Variants in SREK1 observed in about 807,000 individuals in gnomAD.
The protein encoded by SREK1 is splicing regulatory glutamic acid and lysine rich protein 1, also known as splicing regulatory glutamine/lysine-rich protein 1.
Under a neutral mutation model 66.5 loss-of-function variants are expected in SREK1, and 13 were observed. The ratio of observed to expected loss-of-function variants is 0.20; its 90% CI spans 0.13 to 0.31. The LOEUF (loss-of-function observed/expected upper bound fraction) is 0.31. SREK1 is among the 10% of genes least tolerant of loss of function. The pLI, the probability that SREK1 is intolerant of heterozygous loss-of-function variation, is 1.00. For missense variants in SREK1, 607 were observed against 769.6 expected, an observed-to-expected ratio of 0.79 and a Z score of 2.50; for synonymous variants, 265 against 263.5, an observed-to-expected ratio of 1.01 and a Z score of -0.05.
At chr5:66,156,268 TTTTG>T (rs1463152074) in intron 2 of SREK1, 2 of 1,320,460 alleles carry the variant, frequency 1.5e-6, no homozygotes, top group Non-Finnish European at 9.6e-7. Context: ...CTTTTTTTGT[TTTTG>T]TTTTTGTTTT....
intron 7 of SREK1, chr5:66,168,078 A>G (rs1745315602): frequency 1.3e-5 from 2 of 151,862 alleles, no homozygotes; most frequent in African/African-American, 2.4e-5. Context: ...GGGTCTTTGG[A>G]AAAAAATAAA....
chr5:66,158,638 A>G, intron 2 of SREK1: 1 of 382,356 alleles, frequency 2.6e-6, no homozygotes, highest in Non-Finnish European at 4.4e-6. Context: ...TTTGCATCAC[A>G]AATAGGTAGT....
Position 66,183,357 on chromosome 5 carries a change from G to C in SREK1, c.*4489G>C, listed in dbSNP as rs1746650923. 1 of 152,130 alleles carries C rather than the reference G, an allele frequency of 6.6e-6. No homozygotes were observed. The highest frequency in any genetic ancestry group is 1.9e-4 in the East Asian group (1 of 5,200). 9.4% of individuals were successfully genotyped at this position (152,130 alleles called of 1,614,324 possible). ...TAAAGAATTTCTGATTTCTACAATA[G>C]ATTTAAGTATGAAATTTGAGTATAC... On this transcript the variant is annotated 3_prime_UTR_variant, in exon 12 of 12. Transcript: ENST00000334121.
chr5:66,144,661 T>A (rs944378221), intron 1 of SREK1, 124 bp downstream of exon 1: 1 of 1,414,066 alleles, frequency 7.1e-7, no homozygotes, highest in Middle Eastern at 2.4e-4. Flanking sequence ...CGGCTTACCT[T>A]GGTGCCCATA....
In SREK1 at chr5:66,182,319, A is replaced by G. The variant is rs1423836890; in HGVS notation, c.*3451A>G. 1 of 152,148 alleles carries G rather than the reference A, an allele frequency of 6.6e-6. No individual in the cohort carries two copies. The highest frequency in any genetic ancestry group is 6.6e-5 in the Admixed American group (1 of 15,260). The allele number at this position is 152,148 out of a possible 1,614,324, so 9.4% of individuals were successfully genotyped here. On this transcript the variant is annotated 3_prime_UTR_variant, in exon 12 of 12. Transcript: ENST00000334121. The stretch of plus-strand genomic sequence containing the variant: ...TTTAAATATTTTTTATTTTCACTAC[A>G]TATATATTATTTTCTCATGTTTATT...
intron 1 of SREK1, among the ~76,000 whole-genome samples, chr5:66,152,831 T>G (rs1358189196): frequency 6.6e-6 from 1 of 152,254 alleles, no homozygotes; most frequent in African/African-American, 2.4e-5. Context: ...TCATTTGTGC[T>G]TTGTCTGGTT....
At chr5:66,145,681 A>G (rs1743128733) in intron 1 of SREK1, among the ~76,000 whole-genome samples, 1 of 151,396 alleles carries the variant, frequency 6.6e-6, no homozygotes, top group African/African-American at 2.4e-5. Flanking sequence ...TTGAACATCC[A>G]TGTTCCTTTT....
chr5:66,162,782 T>C (rs1034093455), intron 5 of SREK1, 190 bp downstream of exon 5: 1 of 520,596 alleles, frequency 1.9e-6, no homozygotes, highest in East Asian at 3.2e-5. Context: ...TTTAGAGACA[T>C]TTATTTTCTC....
At position 66,159,416 on chromosome 5, in the gene SREK1, AT is replaced by A. The variant is rs1007464077; in HGVS notation, c.411+85del. On this transcript the variant is annotated intron_variant, in intron 3 of 11. Coordinates refer to ENST00000334121, the MANE Select transcript of SREK1 (RefSeq NM_001077199.3). ...GAATAGAGAGCTTCAGATTATTTGCATTTGGATCTTCTTCTTTTTTTTTTTT... is the reference window on the plus strand; with the variant it reads ...GAATAGAGAGCTTCAGATTATTTGCATTGGATCTTCTTCTTTTTTTTTTTT... The A allele has an allele frequency of 4.6e-6, 5 of 1,091,054 alleles. No homozygotes were observed. In the African/African-American group the frequency reaches 8.3e-5, roughly 18 times the overall value. The allele number at this position is 1,091,054 out of a possible 1,614,324, so 67.6% of individuals were successfully genotyped here.
chr5:66,162,159 C>A lies in SREK1; in HGVS notation c.462C>A (p.Asp154Glu), dbSNP rs1156735791. 1.2e-6 allele frequency: 2 copies of A among 1,614,028 alleles called. No individual in the cohort carries two copies. The highest frequency in any genetic ancestry group is 2.2e-5 in the South Asian group (2 of 91,090). ...GAGCTATACCAGCAGCAGCACTAGA[C>A]CCCAACATTGCAACACTTGGAGAGA... Reference protein sequence around the residue: ...SLGAIPAAALDPNIATLGEIP... With the variant: ...SLGAIPAAALEPNIATLGEIP... Residue 154 changes from aspartate to glutamate, a missense_variant, in exon 4 of 12, where the codon GAC becomes GAA. Asp to Glu is a conservative substitution (Grantham distance 45). This residue lies in a region of SREK1 where 99 missense variants were observed against 186.6 expected (regional missense o/e 0.53). Transcript: ENST00000334121.
rs1746324558 is a variant in SREK1, at chr5:66,179,333, C to A, written c.*465C>A. ...TGAAATTGGTGCAAATATATACACA[C>A]CCTTGTAAGTGCAAAGTATGTAAGA... is the stretch of plus-strand genomic sequence containing the variant. On this transcript the variant is annotated 3_prime_UTR_variant, in exon 12 of 12. Coordinates refer to ENST00000334121, the MANE Select transcript of SREK1 (RefSeq NM_001077199.3). The A allele has an allele frequency of 6.6e-6, 1 of 152,402 alleles. No homozygotes were observed. Among genetic ancestry groups the A allele is most frequent in the African/African-American group, 2.4e-5 (1 of 41,366 alleles). 9.4% of individuals were successfully genotyped at this position (152,402 alleles called of 1,614,324 possible). A position where few individuals can be genotyped will look rare whatever the true frequency, so the allele number is the denominator to read the frequency against.
At position 66,158,982 on chromosome 5, in the gene SREK1, T is replaced by G. The variant is rs893251459; in HGVS notation, c.296-237T>G. 2.2e-6 allele frequency: 3 copies of G among 1,363,718 alleles called. No individual in the cohort carries two copies. In the Admixed American group the frequency reaches 7.3e-5, roughly 33 times the overall value. 84.5% of individuals were successfully genotyped at this position (1,363,718 alleles called of 1,614,324 possible). A position where few individuals can be genotyped will look rare whatever the true frequency, so the allele number is the denominator to read the frequency against. On this transcript the variant is annotated intron_variant, in intron 2 of 11. Coordinates refer to ENST00000334121, the MANE Select transcript of SREK1 (RefSeq NM_001077199.3). Reference sequence around the variant, plus strand: ...ATAATTGTCTACATTATTCAATTTTTAAAATAATATTCCATTAATGAGATT... The same window carrying G: ...ATAATTGTCTACATTATTCAATTTTGAAAATAATATTCCATTAATGAGATT...
At chr5:66,148,894 A>G (rs1398543904) in intron 1 of SREK1, among the ~76,000 whole-genome samples, 5 of 152,094 alleles carry the variant, frequency 3.3e-5, no homozygotes, top group South Asian at 2.1e-4. Context: ...GCAAGTACAC[A>G]TTTGTTTGAT....
intron 1 of SREK1, among the ~76,000 whole-genome samples, chr5:66,145,536 C>T (rs1743107928): frequency 2.0e-5 from 3 of 151,902 alleles, no homozygotes; most frequent in Admixed American, 2.0e-4. Flanking sequence ...AGTTTTCTAT[C>T]TCAGGTTATA....
intron 2 of SREK1, among the ~76,000 whole-genome samples, chr5:66,155,608 C>G (rs867847207): frequency 6.6e-6 from 1 of 152,214 alleles, no homozygotes; most frequent in Non-Finnish European, 1.5e-5. Context: ...TTCTGTTGAC[C>G]TCACTGAATG....
intron 7 of SREK1, chr5:66,168,275 G>T (rs1745329394): frequency 6.6e-6 from 1 of 152,116 alleles, no homozygotes; most frequent in South Asian, 2.1e-4. Flanking sequence ...TGAAAAATGT[G>T]TTTAAAAACA....
Position 66,170,713 on chromosome 5 carries a change from G to A in SREK1, c.1250G>A (p.Arg417Gln), listed in dbSNP as rs770590791. The change falls in exon 9 of 12, where the codon CGG becomes CAG. Residue 417 changes from arginine to glutamine, a missense_variant. By Grantham distance (43) the Arg-to-Gln change is conservative. Around this residue, in one of 5 missense-constraint regions of SREK1, gnomAD observed 318 missense variants for 310.3 expected, o/e 1.02. Transcript: ENST00000334121. ...AAGGAACGGGGTAAAAACAAAGACCGGGACAAGGAACGGGAAAAGGACCGG... is the reference window on the plus strand; with the variant it reads ...AAGGAACGGGGTAAAAACAAAGACCAGGACAAGGAACGGGAAAAGGACCGG... ...KEKERGKNKD[R>Q]DKEREKDREK... 8 of 1,604,334 alleles carry A rather than the reference G, an allele frequency of 5.0e-6. No homozygotes were observed. Among genetic ancestry groups the A allele is most frequent in the South Asian group, 2.2e-5 (2 of 90,384 alleles).
chr5:66,153,202 G>A (rs1743996154), intron 1 of SREK1, among the ~76,000 whole-genome samples: 1 of 151,628 alleles, frequency 6.6e-6, no homozygotes. Flanking sequence ...ACATTCACTC[G>A]GATTAAGGAT....
intron 10 of SREK1, among the ~76,000 whole-genome samples, chr5:66,175,522 C>T (rs1338515445): frequency 6.6e-6 from 1 of 151,916 alleles, no homozygotes; most frequent in Non-Finnish European, 1.5e-5. Context: ...ATTTTTTTTA[C>T]CATAAATTAT....
Sources: allele counts gnomAD v4.1 joint callset (sites outside exome capture counted in the v4.1 genomes callset), GRCh38; gene constraint gnomAD v4.1.1; regional missense constraint gnomAD v4.1.1; transcripts MANE v1.5; gene names NCBI Gene and HGNC (gene_info 2026-07-23, HGNC 2026-07-21).